Variants in CDC42BPA observed in about 807,000 individuals in gnomAD.
CDC42BPA encodes the protein CDC42 binding protein kinase alpha, also known as serine/threonine-protein kinase MRCK alpha.
Under a neutral mutation model 223.5 loss-of-function variants are expected in CDC42BPA, and 80 were observed. That is an observed-to-expected ratio of 0.36 (90% CI 0.30 to 0.43). The LOEUF (loss-of-function observed/expected upper bound fraction) is 0.43. Among genes scored for constraint, CDC42BPA ranks in the 20% least tolerant of loss-of-function variants. The pLI is 1.00. For synonymous variants in CDC42BPA, 694 were observed against 718.6 expected (o/e 0.97, Z 0.55); for missense variants, 1,743 against 2,099.9 (o/e 0.83, Z 3.32).
At chr1:227,233,474 A>G (rs1409555074) in intron 2 of CDC42BPA, among the ~76,000 whole-genome samples, 1 of 152,172 alleles carries the variant, frequency 6.6e-6, no homozygotes, top group African/African-American at 2.4e-5. Context: ...GCTTTAGGTT[A>G]TTGGCATAAA....
intron 22 of CDC42BPA, among the ~76,000 whole-genome samples, chr1:227,048,820 G>A (rs141022122): frequency 6.7e-6 from 1 of 148,342 alleles, no homozygotes; most frequent in African/African-American, 2.5e-5. Flanking sequence ...AAAATAAAAG[G>A]AAAACGCTAG....
chr1:227,051,843 G>A (rs1276753970), intron 22 of CDC42BPA, 38 bp downstream of exon 22: 1 of 1,181,246 alleles, frequency 8.5e-7, no homozygotes, highest in South Asian at 1.2e-5. Context: ...TCTGACACAA[G>A]TGAAAAGTTG....
intron 34 of CDC42BPA, chr1:227,010,750 G>T: frequency 3.3e-6 from 1 of 305,556 alleles, no homozygotes; most frequent in Non-Finnish European, 5.7e-6. Flanking sequence ...AAGTTTGGCA[G>T]AAGAGAAATA....
intron 34 of CDC42BPA, among the ~76,000 whole-genome samples, chr1:227,006,873 G>T (rs889617926): frequency 2.2e-4 from 33 of 152,074 alleles, no homozygotes; most frequent in African/African-American, 7.2e-4. Flanking sequence ...GGAGGTGGAG[G>T]TTGCTGGAGG....
At position 227,112,318 on chromosome 1, in the gene CDC42BPA, TC is replaced by T; in HGVS notation, c.1994del (p.Gly665AspfsTer2). 1 of 1,569,030 alleles carries T rather than the reference TC, an allele frequency of 6.4e-7. No homozygotes were observed. The highest frequency in any genetic ancestry group is 1.8e-5 in the Admixed American group (1 of 55,586). ...ATGTGAAGTCAAAAGATACCTTCAGTCCCTCCAATTCATTTTCCAGTTGCTT... is the reference window on the plus strand; with the variant it reads ...ATGTGAAGTCAAAAGATACCTTCAGTCCTCCAATTCATTTTCCAGTTGCTT... ...YSKQLENELE[G>X]LKQKQISYSP... is the part of the protein sequence containing the mutation. On this transcript the variant is annotated frameshift_variant, in exon 14 of 37. Transcript: ENST00000366766. LOFTEE classifies it high-confidence loss of function.
chr1:227,101,260 G>T (rs1285599361), intron 14 of CDC42BPA, 21 bp from the exon 15 acceptor site: 5 of 1,408,180 alleles, frequency 3.6e-6, no homozygotes, highest in Non-Finnish European at 4.8e-6. Context: ...AATAACAAAA[G>T]ATTAGTGCAT....
intron 19 of CDC42BPA, among the ~76,000 whole-genome samples, chr1:227,072,860 G>A (rs1678689389): frequency 6.6e-6 from 1 of 152,024 alleles, no homozygotes; most frequent in Non-Finnish European, 1.5e-5. Flanking sequence ...ACAACACAGA[G>A]AATGATATTC....
At position 227,073,143 on chromosome 1, in the gene CDC42BPA, T is replaced by C. The variant is rs548692941; in HGVS notation, c.2735+721A>G. Reference sequence around the variant, plus strand: ...ATTTCTTTTCAGGCTTTTGGAACTTTTGGTATTCTCAGCAGTCAATGGATT... The same window carrying C: ...ATTTCTTTTCAGGCTTTTGGAACTTCTGGTATTCTCAGCAGTCAATGGATT... On this transcript the variant is annotated intron_variant, in intron 19 of 36. Transcript: ENST00000366766. Among the ~76,000 whole-genome samples the C allele has an allele frequency of 9.8e-5, 15 of 152,290 alleles. No homozygotes were observed. The South Asian group carries it at 2.9e-3, about 29-fold the overall frequency.
At chr1:227,138,541 A>C (rs1284474065) in intron 10 of CDC42BPA, among the ~76,000 whole-genome samples, 6 of 148,914 alleles carry the variant, frequency 4.0e-5, no homozygotes, top group African/African-American at 7.3e-5. Context: ...AAAAAAAGAG[A>C]GCGTTATCAG....
chr1:227,291,237 G>A (rs907389143), intron 1 of CDC42BPA, among the ~76,000 whole-genome samples: 4 of 152,000 alleles, frequency 2.6e-5, no homozygotes, highest in Admixed American at 2.6e-4. Context: ...TGATAACCCT[G>A]AGGGAAAACA....
intron 2 of CDC42BPA, among the ~76,000 whole-genome samples, chr1:227,233,949 A>ATACATAAATAAGC (rs1208595529): frequency 6.6e-6 from 1 of 152,206 alleles, no homozygotes; most frequent in Non-Finnish European, 1.5e-5. Context: ...AAATAAATAA[A>ATACATAAATAAGC]TACATAAATA....
At chr1:227,054,959 G>A (rs1350823474) in intron 21 of CDC42BPA, among the ~76,000 whole-genome samples, 5 of 151,750 alleles carry the variant, frequency 3.3e-5, no homozygotes, top group African/African-American at 1.2e-4. Flanking sequence ...TTAAAAATAA[G>A]TGAAAATACT....
At chr1:227,076,355 C>G (rs1473647011) in intron 17 of CDC42BPA, among the ~76,000 whole-genome samples, 1 of 152,214 alleles carries the variant, frequency 6.6e-6, no homozygotes, top group East Asian at 1.9e-4. Flanking sequence ...CTCCTGGGTT[C>G]AAGCAATTCT....
intron 12 of CDC42BPA, among the ~76,000 whole-genome samples, chr1:227,117,049 T>G (rs1687877896): frequency 6.6e-6 from 1 of 152,176 alleles, no homozygotes; most frequent in Non-Finnish European, 1.5e-5. Context: ...AGCACCTGCA[T>G]AAATGTTTTC....
chr1:227,206,451 T>A (rs1469549977), intron 3 of CDC42BPA, among the ~76,000 whole-genome samples: 1 of 152,154 alleles, frequency 6.6e-6, no homozygotes, highest in East Asian at 1.9e-4. Flanking sequence ...ATATTTGACA[T>A]ATGGCTTGAA....
chr1:227,059,349 A>T (rs767742489), intron 21 of CDC42BPA: 1 of 1,555,506 alleles, frequency 6.4e-7, no homozygotes, highest in East Asian at 2.4e-5. Context: ...CAGGATGGGT[A>T]CATAAAGTGC....
In CDC42BPA at chr1:227,069,977, A is replaced by C. The variant is rs552226905; in HGVS notation, c.2828-124T>G. ...CTACTGTATTTCAAAGTTGATCACT[A>C]TAATTAACTCTACATTTAAACAAAA... On this transcript the variant is annotated intron_variant, in intron 20 of 36. Coordinates refer to ENST00000366766, the MANE Select transcript of CDC42BPA (RefSeq NM_001394014.1). 32 of 559,010 alleles carry C rather than the reference A, an allele frequency of 5.7e-5. No homozygotes were observed. In the African/African-American group the frequency reaches 5.9e-4, roughly 10 times the overall value. 34.6% of individuals were successfully genotyped at this position (559,010 alleles called of 1,614,324 possible).
intron 21 of CDC42BPA, among the ~76,000 whole-genome samples, chr1:227,067,280 G>T (rs1236780160): frequency 1.3e-5 from 2 of 152,038 alleles, no homozygotes; most frequent in Non-Finnish European, 2.9e-5. Flanking sequence ...CCTGGCTGGG[G>T]TGTGCATTCC....
At chr1:227,065,325 CAA>C (rs2148998481) in intron 21 of CDC42BPA, among the ~76,000 whole-genome samples, 1 of 152,186 alleles carries the variant, frequency 6.6e-6, no homozygotes, top group African/African-American at 2.4e-5. Flanking sequence ...TTTTCTCCTT[CAA>C]AACTCTATGA....
Sources: gnomAD v4.1 joint callset for allele counts (sites outside exome capture counted in the v4.1 genomes callset) on GRCh38, gnomAD v4.1.1 for gene constraint, MANE v1.5 for transcripts, NCBI Gene and HGNC (gene_info 2026-07-23, HGNC 2026-07-21) for gene names.